Variants in RASGRF2 observed in about 807,000 individuals in gnomAD.
RASGRF2 encodes the protein ras-specific guanine nucleotide-releasing factor 2.
In RASGRF2, 76 loss-of-function variants were observed where a neutral mutation model predicts 151.0. That is an observed-to-expected ratio of 0.50 (90% CI 0.42 to 0.61). The LOEUF is 0.61. Among genes scored for constraint, RASGRF2 ranks in the 20% least tolerant of loss-of-function variants. The probability of loss-of-function intolerance (pLI) is 0.00; values close to 1 mark genes in which losing one functional copy is unlikely to be tolerated. For synonymous variants in RASGRF2, 504 were observed against 566.5 expected (o/e 0.89, Z 1.57); for missense variants, 1,148 against 1,564.6 (o/e 0.73, Z 4.49).
chr5:81,171,571 GTA>G (rs774674214), intron 17 of RASGRF2, among the ~76,000 whole-genome samples: 3 of 144,326 alleles, frequency 2.1e-5, no homozygotes, highest in South Asian at 4.4e-4. Context: ...GTGTGTGTGT[GTA>G]TGTGTTCTGC....
intron 2 of RASGRF2, among the ~76,000 whole-genome samples, chr5:81,043,193 AAGT>A (rs1297149619): frequency 6.6e-6 from 1 of 152,186 alleles, no homozygotes; most frequent in Non-Finnish European, 1.5e-5. Flanking sequence ...TGATAATAAT[AAGT>A]AGTAGTAGTA....
At chr5:81,008,880 G>A (rs1308793042) in intron 1 of RASGRF2, among the ~76,000 whole-genome samples, 2 of 152,140 alleles carry the variant, frequency 1.3e-5, no homozygotes, top group Admixed American at 1.3e-4. Flanking sequence ...ATCTATACAG[G>A]CTCCAGCCCA....
chr5:81,023,814 C>G (rs572537160), intron 1 of RASGRF2, among the ~76,000 whole-genome samples: 104 of 152,344 alleles, frequency 6.8e-4, no homozygotes, highest in Non-Finnish European at 1.3e-3. Context: ...TCTCCCCATA[C>G]TGGGCATTTG....
intron 25 of RASGRF2, among the ~76,000 whole-genome samples, chr5:81,219,305 T>A (rs1465657951): frequency 6.6e-6 from 1 of 152,022 alleles, no homozygotes; most frequent in Non-Finnish European, 1.5e-5. Flanking sequence ...GGTCTCAAAC[T>A]CCTGAACTCA....
At chr5:81,157,538 A>T (rs1025538260) in intron 17 of RASGRF2, among the ~76,000 whole-genome samples, 1 of 152,168 alleles carries the variant, frequency 6.6e-6, no homozygotes, top group African/African-American at 2.4e-5. Context: ...ATTCAGCACA[A>T]TTCCTATGAA....
chr5:81,089,957 C>T (rs942333645), intron 9 of RASGRF2, among the ~76,000 whole-genome samples: 2 of 152,162 alleles, frequency 1.3e-5, no homozygotes, highest in Admixed American at 1.3e-4. Context: ...AAGATAAAGG[C>T]ACTCTAAGCT....
chr5:81,029,463 A>G (rs1433099899), intron 1 of RASGRF2, among the ~76,000 whole-genome samples: 1 of 152,202 alleles, frequency 6.6e-6, no homozygotes, highest in Non-Finnish European at 1.5e-5. Flanking sequence ...CACAGGAAGG[A>G]TCAGGCAGCA....
intron 17 of RASGRF2, among the ~76,000 whole-genome samples, chr5:81,147,752 C>G (rs1031837107): frequency 6.6e-6 from 1 of 152,230 alleles, no homozygotes; most frequent in African/African-American, 2.4e-5. Flanking sequence ...TCCTCCTCCT[C>G]TCTACAGATT....
chr5:80,994,512 T>C (rs1297986725), intron 1 of RASGRF2, among the ~76,000 whole-genome samples: 2 of 152,142 alleles, frequency 1.3e-5, no homozygotes, highest in Non-Finnish European at 2.9e-5. Flanking sequence ...AAGAAGATAG[T>C]TTTCAGGCTG....
At chr5:81,208,534 C>CTTTTTTTTTTTTTTTTT (rs71000806) in intron 22 of RASGRF2, 96 bp downstream of exon 22, 5 of 233,326 alleles carry the variant, frequency 2.1e-5, no homozygotes, top group African/African-American at 8.7e-5. Flanking sequence ...CTGTCACCCA[C>CTTTTTTTTTTTTTTTTT]TTTTTTTTTT....
At chr5:81,089,874 T>A (rs1051896519) in intron 9 of RASGRF2, among the ~76,000 whole-genome samples, 3 of 152,212 alleles carry the variant, frequency 2.0e-5, no homozygotes, top group Non-Finnish European at 4.4e-5. Flanking sequence ...TGATAAACTT[T>A]AAAAGCCAAG....
chr5:81,139,869 C>T (rs1753842596), intron 17 of RASGRF2, among the ~76,000 whole-genome samples: 2 of 152,160 alleles, frequency 1.3e-5, no homozygotes, highest in Admixed American at 1.3e-4. Context: ...GTCACCCAGG[C>T]TGTCATGGAG....
At chr5:81,146,899 C>T (rs948873593) in intron 17 of RASGRF2, among the ~76,000 whole-genome samples, 11 of 152,088 alleles carry the variant, frequency 7.2e-5, no homozygotes, top group African/African-American at 2.7e-4. Flanking sequence ...TAAAAATCTT[C>T]AATTGGTTAT....
At chr5:81,212,112 C>A (rs1454265556) in intron 22 of RASGRF2, among the ~76,000 whole-genome samples, 3 of 152,186 alleles carry the variant, frequency 2.0e-5, no homozygotes, top group African/African-American at 7.2e-5. Context: ...TGCTGAGGAA[C>A]AAAATCATCT....
At chr5:81,019,456 G>A in intron 1 of RASGRF2, 1 of 152,164 alleles carries the variant, frequency 6.6e-6, no homozygotes, top group Non-Finnish European at 1.5e-5. Context: ...GTGAGGTTAG[G>A]GGTCCCACAG....
chr5:80,997,144 T>G (rs921372605), intron 1 of RASGRF2: 1 of 152,232 alleles, frequency 6.6e-6, no homozygotes, highest in South Asian at 2.1e-4. Flanking sequence ...ACTGTGGTTT[T>G]CCCTCTAGGT....
intron 18 of RASGRF2, among the ~76,000 whole-genome samples, chr5:81,186,000 T>C (rs142796655): frequency 6.5e-4 from 99 of 152,336 alleles, no homozygotes; most frequent in African/African-American, 2.2e-3. Flanking sequence ...ATTCCGTTAT[T>C]ACTTATGATA....
intron 17 of RASGRF2, among the ~76,000 whole-genome samples, chr5:81,148,483 T>C (rs1276821335): frequency 2.0e-5 from 3 of 152,128 alleles, no homozygotes; most frequent in Admixed American, 6.5e-5. Flanking sequence ...TGGATACTGA[T>C]TGATATACAT....
intron 12 of RASGRF2, among the ~76,000 whole-genome samples, chr5:81,095,904 A>C (rs2112507871): frequency 6.6e-6 from 1 of 152,300 alleles, no homozygotes; most frequent in East Asian, 1.9e-4. Context: ...TATTTGTCAA[A>C]GAAGTTTTAC....
Sources: gnomAD v4.1 joint callset for allele counts (sites outside exome capture counted in the v4.1 genomes callset) on GRCh38, gnomAD v4.1.1 for gene constraint, MANE v1.5 for transcripts, NCBI Gene and HGNC (gene_info 2026-07-23, HGNC 2026-07-21) for gene names.